Variants in CSMD1 observed in about 807,000 individuals in gnomAD.
The protein encoded by CSMD1 is CUB and sushi domain-containing protein 1.
In CSMD1, 213 loss-of-function variants were observed where a neutral mutation model predicts 417.5. That is an observed-to-expected ratio of 0.51 (90% CI 0.46 to 0.57). CSMD1 has a LOEUF of 0.57. CSMD1 is among the 20% of genes least tolerant of loss of function. The pLI is 0.00. For missense variants in CSMD1, 6,923 were observed against 4,529.7 expected (o/e 1.53, Z -15.17); for synonymous variants, 2,862 against 1,736.8 (o/e 1.65, Z -16.11).
chr8:4,011,508 G>C (rs1174024147), intron 4 of CSMD1, among the ~76,000 whole-genome samples: 2 of 152,208 alleles, frequency 1.3e-5, no homozygotes, highest in Non-Finnish European at 2.9e-5. Flanking sequence ...TTGAGTCAGA[G>C]TTTCACCCTC....
chr8:4,087,098 T>G (rs1209254144), intron 3 of CSMD1, among the ~76,000 whole-genome samples: 2 of 152,214 alleles, frequency 1.3e-5, no homozygotes, highest in African/African-American at 4.8e-5. Context: ...CCTTTCTTCC[T>G]GGAGCAACTG....
intron 3 of CSMD1, among the ~76,000 whole-genome samples, chr8:4,300,483 G>C (rs1797923075): frequency 6.6e-6 from 1 of 152,102 alleles, no homozygotes; most frequent in African/African-American, 2.4e-5. Flanking sequence ...CATAAATACA[G>C]TCTTCTTAAC....
At chr8:3,776,767 G>A (rs1798909527) in intron 5 of CSMD1, among the ~76,000 whole-genome samples, 1 of 131,968 alleles carries the variant, frequency 7.6e-6, no homozygotes, top group African/African-American at 3.3e-5. Flanking sequence ...AAGATACAGA[G>A]ATGATAGATG....
chr8:4,508,776 G>A (rs961806256), intron 2 of CSMD1, among the ~76,000 whole-genome samples: 14 of 152,112 alleles, frequency 9.2e-5, no homozygotes, highest in African/African-American at 3.4e-4. Context: ...TTATTTCAGT[G>A]GAATGTCAAA....
intron 3 of CSMD1, among the ~76,000 whole-genome samples, chr8:4,347,985 G>A (rs1271316308): frequency 6.6e-6 from 1 of 152,060 alleles, no homozygotes; most frequent in African/African-American, 2.4e-5. Context: ...GCACTACACT[G>A]GCAAACATGC....
At chr8:3,649,660 C>A (rs940579230) in intron 7 of CSMD1, among the ~76,000 whole-genome samples, 4 of 152,124 alleles carry the variant, frequency 2.6e-5, no homozygotes, top group Admixed American at 2.6e-4. Flanking sequence ...CCCCATGATT[C>A]CATTACCTCC....
intron 3 of CSMD1, among the ~76,000 whole-genome samples, chr8:4,047,239 A>G (rs1056518247): frequency 3.9e-5 from 6 of 152,096 alleles, no homozygotes; most frequent in African/African-American, 1.2e-4. Flanking sequence ...GTGTTCATCA[A>G]AGTCATCTAA....
At chr8:4,164,016 C>T (rs1251146595) in intron 3 of CSMD1, among the ~76,000 whole-genome samples, 4 of 152,084 alleles carry the variant, frequency 2.6e-5, no homozygotes, top group Non-Finnish European at 5.9e-5. Context: ...ATTAAATAAG[C>T]AGAGTAAGCT....
At chr8:4,720,319 T>C (rs751321291) in intron 1 of CSMD1, among the ~76,000 whole-genome samples, 1 of 152,248 alleles carries the variant, frequency 6.6e-6, no homozygotes, top group Middle Eastern at 3.4e-3. Flanking sequence ...CTTCTCAAAA[T>C]CTATTGCACC....
chr8:4,197,931 A>T (rs1470909628), intron 3 of CSMD1, among the ~76,000 whole-genome samples: 1 of 152,214 alleles, frequency 6.6e-6, no homozygotes, highest in Non-Finnish European at 1.5e-5. Context: ...TTCATTTAGT[A>T]ATTCTGTACA....
chr8:3,636,165 C>G (rs528133978), intron 7 of CSMD1, among the ~76,000 whole-genome samples: 1 of 152,126 alleles, frequency 6.6e-6, no homozygotes, highest in Admixed American at 6.5e-5. Context: ...TCAGAATAAT[C>G]AACATGACTT....
chr8:3,832,858 C>T (rs1343666343), intron 5 of CSMD1, among the ~76,000 whole-genome samples: 1 of 152,060 alleles, frequency 6.6e-6, no homozygotes, highest in East Asian at 1.9e-4. Context: ...CACGTAGAAA[C>T]ATCTATTTGG....
At chr8:4,794,973 A>T (rs1379896196) in intron 1 of CSMD1, among the ~76,000 whole-genome samples, 1 of 149,448 alleles carries the variant, frequency 6.7e-6, no homozygotes, top group Non-Finnish European at 1.5e-5. Flanking sequence ...GTAAAGCCAG[A>T]GAAGAGAAAG....
intron 2 of CSMD1, among the ~76,000 whole-genome samples, chr8:4,444,036 C>G (rs1428236025): frequency 6.6e-6 from 1 of 152,054 alleles, no homozygotes. Context: ...CACACACTAT[C>G]TTTGAGAAGA....
At chr8:4,917,194 T>C (rs192369883) in intron 1 of CSMD1, among the ~76,000 whole-genome samples, 1 of 151,830 alleles carries the variant, frequency 6.6e-6, no homozygotes. Flanking sequence ...AAGTGGGAGG[T>C]GCTACACACT....
intron 7 of CSMD1, among the ~76,000 whole-genome samples, chr8:3,680,411 C>T (rs1799590165): frequency 6.6e-6 from 1 of 152,168 alleles, no homozygotes. Context: ...ATTAACACCT[C>T]TACGCAAATG....
chr8:4,127,246 T>C (rs1426448077), intron 3 of CSMD1, among the ~76,000 whole-genome samples: 1 of 151,992 alleles, frequency 6.6e-6, no homozygotes, highest in Non-Finnish European at 1.5e-5. Flanking sequence ...GGAAAGCTTC[T>C]AACACTACAG....
intron 1 of CSMD1, among the ~76,000 whole-genome samples, chr8:4,683,965 G>C (rs1416385994): frequency 1.3e-5 from 2 of 152,190 alleles, no homozygotes; most frequent in Non-Finnish European, 2.9e-5. Flanking sequence ...ATTTATCACA[G>C]TGAAATCTGA....
chr8:4,261,737 C>G (rs1401546235), intron 3 of CSMD1, among the ~76,000 whole-genome samples: 1 of 152,036 alleles, frequency 6.6e-6, no homozygotes, highest in African/African-American at 2.4e-5. Flanking sequence ...GCCCCCATCA[C>G]ACACAGAAAA....
Sources: allele counts gnomAD v4.1 joint callset (sites outside exome capture counted in the v4.1 genomes callset), GRCh38; gene constraint gnomAD v4.1.1; transcripts MANE v1.5; gene names NCBI Gene and HGNC (gene_info 2026-07-23, HGNC 2026-07-21).